Variants in FARS2 observed in about 807,000 individuals in gnomAD.
FARS2 encodes phenylalanyl-tRNA synthetase 2, mitochondrial.
In FARS2, 40 loss-of-function variants were observed where a neutral mutation model predicts 46.4. That is an observed-to-expected ratio of 0.86 (90% CI 0.67 to 1.12). The LOEUF (loss-of-function observed/expected upper bound fraction) is 1.12. Ranked by LOEUF, FARS2 falls within the 50% of genes most tolerant of loss-of-function variation. The pLI is 0.00. For missense variants in FARS2, 513 were observed against 567.9 expected, an observed-to-expected ratio of 0.90 and a Z score of 0.98; for synonymous variants, 234 against 214.9, an observed-to-expected ratio of 1.09 and a Z score of -0.78.
chr6:5,329,739 G>T (rs1770663693), intron 1 of FARS2, among the ~76,000 whole-genome samples: 1 of 152,154 alleles, frequency 6.6e-6, no homozygotes, highest in Non-Finnish European at 1.5e-5. Flanking sequence ...TATTATAAAG[G>T]ATACAACCCA....
At chr6:5,534,296 T>A (rs1770046718) in intron 4 of FARS2, among the ~76,000 whole-genome samples, 1 of 152,242 alleles carries the variant, frequency 6.6e-6, no homozygotes, top group African/African-American at 2.4e-5. Flanking sequence ...AATATAAAAT[T>A]AGCCAGTTAA....
At position 5,674,939 on chromosome 6, in the gene FARS2, A is replaced by G. The variant is rs569215948; in HGVS notation, c.1217+61619A>G. On this transcript the variant is annotated intron_variant, in intron 6 of 6. Transcript: ENST00000274680. ...AAGGGAAGTTCTCAGAGTCACAAGA[A>G]GTGGTCAGTGGCCAGGCTGAGGCCA... Among the ~76,000 whole-genome samples the G allele has an allele frequency of 2.6e-5, 4 of 152,338 alleles. No individual in the cohort carries two copies. The South Asian group carries it at 8.3e-4, about 32-fold the overall frequency.
In FARS2 at chr6:5,401,777, T is replaced by C. The variant is rs570830448; in HGVS notation, c.613-2765T>C. On this transcript the variant is annotated intron_variant, in intron 2 of 6. Transcript: ENST00000274680. Reference sequence around the variant, plus strand: ...TTTTAAAAACTGAGTTGTTTGAAAATGTGGCTTCATTGTTGTCTTGTTTCC... The same window carrying C: ...TTTTAAAAACTGAGTTGTTTGAAAACGTGGCTTCATTGTTGTCTTGTTTCC... Among the ~76,000 whole-genome samples the C allele has an allele frequency of 5.9e-5, 9 of 152,298 alleles. No individual in the cohort carries two copies. The South Asian group carries it at 1.9e-3, about 32-fold the overall frequency.
At chr6:5,462,231 C>T (rs1188549637) in intron 4 of FARS2, among the ~76,000 whole-genome samples, 1 of 152,090 alleles carries the variant, frequency 6.6e-6, no homozygotes, top group Non-Finnish European at 1.5e-5. Flanking sequence ...ATATTGCGCC[C>T]ATTTTTAATT....
chr6:5,744,999 C>G (rs1371982072), intron 6 of FARS2, among the ~76,000 whole-genome samples: 1 of 152,194 alleles, frequency 6.6e-6, no homozygotes, highest in Admixed American at 6.5e-5. Flanking sequence ...GCATTTGACA[C>G]TCTTTAGGAA....
intron 2 of FARS2, among the ~76,000 whole-genome samples, chr6:5,400,940 G>A (rs6902087): frequency 0.23 from 34,695 of 149,956 alleles, 4,225 homozygotes; most frequent in Middle Eastern, 0.28. Context: ...GTCTTGCTCG[G>A]TGTTTTTTTG....
At chr6:5,622,101 CTGGGCCACCTGCACA>C (rs1775806071) in intron 6 of FARS2, among the ~76,000 whole-genome samples, 1 of 152,246 alleles carries the variant, frequency 6.6e-6, no homozygotes, top group African/African-American at 2.4e-5. Context: ...TCCTGGGGTG[CTGGGCCACCTGCACA>C]TGGACCACCG....
At chr6:5,250,300 TAC>T in the FARS2 span, among the ~76,000 whole-genome samples, 43 of 152,278 alleles carry the variant, frequency 2.8e-4, no homozygotes, top group South Asian at 7.7e-3. Context: ...TCTTGTAAAC[TAC>T]AGTCAATAAA....
chr6:5,623,605 A>G (rs1482837965), intron 6 of FARS2, among the ~76,000 whole-genome samples: 1 of 152,048 alleles, frequency 6.6e-6, no homozygotes, highest in Non-Finnish European at 1.5e-5. Flanking sequence ...CCAGCTACTC[A>G]GGAGGCTGAG....
chr6:5,600,542 C>G (rs1774449275), intron 5 of FARS2, among the ~76,000 whole-genome samples: 1 of 151,980 alleles, frequency 6.6e-6, no homozygotes, highest in South Asian at 2.1e-4. Flanking sequence ...ATTTGATAAG[C>G]AGTTTTTATT....
At chr6:5,518,661 C>G (rs1384377856) in intron 4 of FARS2, among the ~76,000 whole-genome samples, 2 of 152,134 alleles carry the variant, frequency 1.3e-5, no homozygotes, top group African/African-American at 4.8e-5. Context: ...TCAAGGGTCA[C>G]TAATTTTTAT....
At chr6:5,279,442 A>C (rs1418607427) in intron 1 of FARS2, among the ~76,000 whole-genome samples, 4 of 150,940 alleles carry the variant, frequency 2.7e-5, no homozygotes, top group Non-Finnish European at 5.9e-5. Context: ...CAGTGAGAAG[A>C]TTGAAAGATA....
intron 4 of FARS2, among the ~76,000 whole-genome samples, chr6:5,529,980 C>T (rs1769721596): frequency 6.6e-6 from 1 of 152,236 alleles, no homozygotes. Context: ...GCCACATATG[C>T]ATGAGTAAAC....
At chr6:5,544,689 T>G (rs948317021) in intron 4 of FARS2, among the ~76,000 whole-genome samples, 11 of 152,220 alleles carry the variant, frequency 7.2e-5, no homozygotes, top group Admixed American at 2.0e-4. Flanking sequence ...TTAATAAAAC[T>G]GAGGTTCTTA....
At chr6:5,286,686 G>A (rs1454495953) in intron 1 of FARS2, among the ~76,000 whole-genome samples, 3 of 152,004 alleles carry the variant, frequency 2.0e-5, no homozygotes, top group South Asian at 4.1e-4. Flanking sequence ...TATTCAATGC[G>A]ATTTATAAAA....
chr6:5,621,861 A>G (rs944023423), intron 6 of FARS2, among the ~76,000 whole-genome samples: 9 of 152,222 alleles, frequency 5.9e-5, no homozygotes, highest in African/African-American at 1.9e-4. Context: ...AGAGACCCTC[A>G]GCCTCTGGGT....
chr6:5,398,486 T>TTGTCCCCATGAGA, intron 2 of FARS2, among the ~76,000 whole-genome samples: 1 of 151,422 alleles, frequency 6.6e-6, no homozygotes, highest in South Asian at 2.1e-4. Flanking sequence ...TTATCATTTT[T>TTGTCCCCATGAGA]TGTCCCCATG....
intron 4 of FARS2, among the ~76,000 whole-genome samples, chr6:5,526,088 G>T (rs116755501): frequency 0.021 from 3,226 of 152,250 alleles, 42 homozygotes; most frequent in Middle Eastern, 0.027. Flanking sequence ...GTATTGATAC[G>T]TGAGATTGGT....
rs113360054 is a variant in FARS2 at position 5,604,276 on chromosome 6, C to G, written c.1066-8893C>G. Among the ~76,000 whole-genome samples the G allele has an allele frequency of 2.1e-3, 312 of 149,592 alleles. 2 individuals carry two copies. Among genetic ancestry groups the G allele is most frequent in the African/African-American group, 7.5e-3 (304 of 40,606 alleles). ...GATTCTGAGCCAGGTCTGCCACACT[C>G]CCATCTACACTCCTTGAGGCTTGCT... On this transcript the variant is annotated intron_variant, in intron 5 of 6. Transcript: ENST00000274680.
Sources: gnomAD v4.1 joint callset for allele counts (sites outside exome capture counted in the v4.1 genomes callset) on GRCh38, gnomAD v4.1.1 for gene constraint, MANE v1.5 for transcripts, NCBI Gene and HGNC (gene_info 2026-07-23, HGNC 2026-07-21) for gene names.